The following ADK variants were observed in gnomAD, a reference collection of about 807,000 sequenced individuals.
ADK encodes N6,N6-dimethyladenosine kinase.
Under a neutral mutation model 44.7 loss-of-function variants are expected in ADK, and 24 were observed. The ratio of observed to expected loss-of-function variants is 0.54; its 90% CI spans 0.39 to 0.76. The LOEUF (loss-of-function observed/expected upper bound fraction) is 0.76, where lower values mean the gene tolerates loss of function less well. Among genes scored for constraint, ADK ranks in the 30% least tolerant of loss-of-function variants. The pLI, the probability that ADK is intolerant of heterozygous loss-of-function variation, is 0.00. For missense variants in ADK, 321 were observed against 425.1 expected, an observed-to-expected ratio of 0.76 and a Z score of 2.15; for synonymous variants, 128 against 142.6, an observed-to-expected ratio of 0.90 and a Z score of 0.73.
intron 10 of ADK, among the ~76,000 whole-genome samples, chr10:74,686,165 T>C (rs1259794584): frequency 6.6e-6 from 1 of 152,096 alleles, no homozygotes; most frequent in Non-Finnish European, 1.5e-5. Flanking sequence ...GGTTTCACCA[T>C]GTTAGCCAGG....
At chr10:74,353,328 G>A (rs1001432954) in intron 4 of ADK, among the ~76,000 whole-genome samples, 4 of 151,996 alleles carry the variant, frequency 2.6e-5, no homozygotes, top group African/African-American at 9.7e-5. Context: ...AACACCACAT[G>A]TTCTCATTAA....
rs1324033648 is a variant in ADK at position 74,489,065 on chromosome 10, CTTA to C, written c.556-36186_556-36184del. Among the ~76,000 whole-genome samples, 13 of 152,032 alleles carry C rather than the reference CTTA, an allele frequency of 8.6e-5. 1 individual carries two copies. The highest frequency in any genetic ancestry group is 3.4e-3 in the Middle Eastern group (1 of 294). Reference sequence around the variant, plus strand: ...AGTAATTTTCTAAAAATTATACCTACTTATTATGTGGATCTTTGCTGAGGAAAT... The same window carrying C: ...AGTAATTTTCTAAAAATTATACCTACTTATGTGGATCTTTGCTGAGGAAAT... On this transcript the variant is annotated intron_variant, in intron 6 of 10. Coordinates refer to ENST00000539909, the MANE Select transcript of ADK (RefSeq NM_006721.4).
At chr10:74,303,500 A>G (rs1268252137) in intron 3 of ADK, among the ~76,000 whole-genome samples, 1 of 150,518 alleles carries the variant, frequency 6.6e-6, no homozygotes, top group African/African-American at 2.4e-5. Context: ...AACTTCAGCA[A>G]ACTTGTGGTT....
At chr10:74,638,431 G>C (rs1196543187) in intron 9 of ADK, among the ~76,000 whole-genome samples, 1 of 152,120 alleles carries the variant, frequency 6.6e-6, no homozygotes, top group Non-Finnish European at 1.5e-5. Context: ...AGAGGCTAAG[G>C]CTGGAGAATC....
intron 7 of ADK, among the ~76,000 whole-genome samples, chr10:74,569,772 G>A (rs1294821068): frequency 6.6e-6 from 1 of 152,158 alleles, no homozygotes; most frequent in Non-Finnish European, 1.5e-5. Flanking sequence ...AAGCTCTTTA[G>A]CTTAATCAGA....
At chr10:74,162,820 G>T (rs1841943596) in intron 1 of ADK, among the ~76,000 whole-genome samples, 1 of 152,092 alleles carries the variant, frequency 6.6e-6, no homozygotes, top group Non-Finnish European at 1.5e-5. Flanking sequence ...TGGGATTACA[G>T]GTGTGAGCTA....
At chr10:74,634,340 A>G (rs914955957) in intron 9 of ADK, among the ~76,000 whole-genome samples, 28 of 151,732 alleles carry the variant, frequency 1.8e-4, no homozygotes, top group African/African-American at 5.8e-4. Context: ...TCAGCCTCCC[A>G]AGTAGCTGGG....
chr10:74,603,360 A>G (rs1254922338), intron 9 of ADK, among the ~76,000 whole-genome samples: 3 of 152,054 alleles, frequency 2.0e-5, no homozygotes, highest in Non-Finnish European at 2.9e-5. Context: ...TGCACCTATC[A>G]ACCCATCATC....
intron 6 of ADK, among the ~76,000 whole-genome samples, chr10:74,404,662 C>T (rs1398237452): frequency 1.3e-5 from 2 of 152,054 alleles, no homozygotes; most frequent in Non-Finnish European, 2.9e-5. Flanking sequence ...GTTTCACAAC[C>T]CCCATTCCCC....
intron 6 of ADK, among the ~76,000 whole-genome samples, chr10:74,486,290 C>T (rs1234341119): frequency 6.6e-6 from 1 of 152,124 alleles, no homozygotes; most frequent in African/African-American, 2.4e-5. Context: ...TTGTAAGTTT[C>T]CTGAGGTCAC....
intron 6 of ADK, among the ~76,000 whole-genome samples, chr10:74,408,842 G>A (rs1844060770): frequency 6.6e-6 from 1 of 152,152 alleles, no homozygotes; most frequent in Admixed American, 6.6e-5. Context: ...GGGCTGAGGA[G>A]GGGAAGAAGA....
At chr10:74,283,141 TG>T (rs1467821839) in intron 3 of ADK, among the ~76,000 whole-genome samples, 1 of 152,220 alleles carries the variant, frequency 6.6e-6, no homozygotes, top group Non-Finnish European at 1.5e-5. Flanking sequence ...ACAAATATTC[TG>T]TTTTCTGCTA....
chr10:74,615,795 A>G (rs1405469267), intron 9 of ADK, among the ~76,000 whole-genome samples: 2 of 151,506 alleles, frequency 1.3e-5, no homozygotes, highest in East Asian at 3.9e-4. Flanking sequence ...TGCAATCTCC[A>G]CCTCCTGGGT....
chr10:74,686,355 A>C (rs891083428), intron 10 of ADK, among the ~76,000 whole-genome samples: 1 of 152,084 alleles, frequency 6.6e-6, no homozygotes, highest in Non-Finnish European at 1.5e-5. Context: ...AGCATTGTCA[A>C]TGTGATAGTA....
intron 3 of ADK, among the ~76,000 whole-genome samples, chr10:74,286,283 C>G (rs560413502): frequency 6.6e-5 from 10 of 152,316 alleles, no homozygotes; most frequent in African/African-American, 2.4e-4. Context: ...AACTCCTGGC[C>G]TAAAGCGATC....
intron 1 of ADK, among the ~76,000 whole-genome samples, chr10:74,191,229 T>G (rs1484790398): frequency 1.3e-5 from 2 of 152,022 alleles, no homozygotes; most frequent in African/African-American, 4.8e-5. Context: ...TCTGCCCGCC[T>G]TGGCCTTCCA....
intron 4 of ADK, among the ~76,000 whole-genome samples, chr10:74,333,986 A>C (rs1343443148): frequency 6.6e-6 from 1 of 152,098 alleles, no homozygotes; most frequent in African/African-American, 2.4e-5. Context: ...ACTTTTTTTC[A>C]AAAGTATTTT....
chr10:74,176,881 A>T lies in ADK; in HGVS notation c.66-23883A>T, dbSNP rs372549172. On this transcript the variant is annotated intron_variant, in intron 1 of 10. Coordinates refer to ENST00000539909, the MANE Select transcript of ADK (RefSeq NM_006721.4). ...GGCAGGAGGGCGAAGCCATGACGTC[A>T]GTCAGGTAACGAGCGGGCGGCTGCC... The T allele has an allele frequency of 1.9e-6, 3 of 1,609,992 alleles. No individual in the cohort carries two copies. The African/African-American group carries it at 4.0e-5, about 21-fold the overall frequency.
intron 6 of ADK, among the ~76,000 whole-genome samples, chr10:74,481,322 A>T (rs1044018729): frequency 7.9e-5 from 12 of 152,114 alleles, no homozygotes; most frequent in African/African-American, 2.9e-4. Context: ...TGCCATTTAT[A>T]TTATCTTAGA....
Sources: gnomAD v4.1 joint callset for allele counts (sites outside exome capture counted in the v4.1 genomes callset) on GRCh38, gnomAD v4.1.1 for gene constraint, MANE v1.5 for transcripts, NCBI Gene and HGNC (gene_info 2026-07-23, HGNC 2026-07-21) for gene names.